NIN: variants seen among roughly 807,000 people sequenced by gnomAD.
NIN encodes ninein.
A neutral mutation model predicts 257.6 loss-of-function variants in NIN; 137 were observed. That is an observed-to-expected ratio of 0.53 (90% CI 0.46 to 0.61). NIN has a LOEUF of 0.61. Among genes scored for constraint, NIN ranks in the 20% least tolerant of loss-of-function variants. NIN has a pLI of 0.00. For missense variants in NIN, 2,439 were observed against 2,501.2 expected (o/e 0.98, Z 0.53); for synonymous variants, 918 against 919.8 (o/e 1.00, Z 0.04).
In NIN at chr14:50,723,522, T is replaced by C; in HGVS notation, c.6343A>G (p.Asn2115Asp). The C allele has an allele frequency of 1.2e-6, 2 of 1,613,788 alleles. No individual in the cohort carries two copies. The highest frequency in any genetic ancestry group is 1.7e-6 in the Non-Finnish European group (2 of 1,179,836). Residue 2115 changes from asparagine (N) to aspartate (D), a missense_variant, in exon 31 of 31, where the codon AAT (asparagine) becomes GAT (aspartate). Physicochemically the swap from Asn to Asp is conservative, Grantham distance 23. Coordinates refer to ENST00000530997, the MANE Select transcript of NIN (RefSeq NM_020921.4). Reference sequence around the variant, plus strand: ...GCTGGTGTCAGATTCCTAACTATATTACTGAGGCTGGCAATCTTCTCCTCC... The same window carrying C: ...GCTGGTGTCAGATTCCTAACTATATCACTGAGGCTGGCAATCTTCTCCTCC... ...LLEEKIASLS[N>D]IVRNLTPAPL...
In NIN at chr14:50,771,455, C is replaced by G. The variant is rs1441076295; in HGVS notation, c.995G>C (p.Ser332Thr). ...TGTCAAATTGATGTTTCCATCGAGG[C>G]TGAAATCCAAGGCCTAGAAATCAGA... ...SQEILKALDFSLDGNINLTEL... is the reference protein window; with the variant it reads ...SQEILKALDFTLDGNINLTEL... Residue 332 changes from serine (S) to threonine (T), a missense_variant, in exon 10 of 31, where the codon AGC becomes ACC. Transcript: ENST00000530997. The G allele has an allele frequency of 6.2e-7, 1 of 1,614,060 alleles. No individual in the cohort carries two copies. The highest frequency in any genetic ancestry group is 8.5e-7 in the Non-Finnish European group (1 of 1,179,982).
At chr14:50,819,443 G>T (rs1299991359) in intron 3 of NIN, among the ~76,000 whole-genome samples, 3 of 152,122 alleles carry the variant, frequency 2.0e-5, no homozygotes, top group Admixed American at 6.5e-5. Context: ...AGATCTGATG[G>T]TTTTATAAGG....
At chr14:50,769,248 G>A (rs979685857) in intron 12 of NIN, among the ~76,000 whole-genome samples, 1 of 152,196 alleles carries the variant, frequency 6.6e-6, no homozygotes, top group Non-Finnish European at 1.5e-5. Flanking sequence ...AACAGGCTGA[G>A]GAACCTGATC....
chr14:50,760,595 A>T (rs1393598672), intron 16 of NIN, among the ~76,000 whole-genome samples: 1 of 152,150 alleles, frequency 6.6e-6, no homozygotes, highest in Non-Finnish European at 1.5e-5. Flanking sequence ...GAACAACCTT[A>T]TTAAGAACTG....
chr14:50,819,213 G>A (rs982658382), intron 3 of NIN, among the ~76,000 whole-genome samples: 1 of 152,164 alleles, frequency 6.6e-6, no homozygotes, highest in Admixed American at 6.5e-5. Flanking sequence ...GGATACTAAT[G>A]CAGCCAAAAG....
intron 20 of NIN, among the ~76,000 whole-genome samples, chr14:50,753,045 T>C (rs2041861499): frequency 6.6e-6 from 1 of 152,280 alleles, no homozygotes; most frequent in East Asian, 1.9e-4. Flanking sequence ...TCTTTTCTTC[T>C]CTTTAGCAAA....
chr14:50,727,675 T>C (rs772435207), intron 29 of NIN: 2 of 1,441,370 alleles, frequency 1.4e-6, no homozygotes, highest in Non-Finnish European at 1.9e-6. Flanking sequence ...ATGCCATCAA[T>C]AGCAGCCCAG....
chr14:50,801,510 C>A (rs768840699), intron 4 of NIN, among the ~76,000 whole-genome samples: 1 of 152,196 alleles, frequency 6.6e-6, no homozygotes, highest in Non-Finnish European at 1.5e-5. Flanking sequence ...GACAACAGAA[C>A]GAGCCTTTGG....
intron 24 of NIN, chr14:50,742,361 T>C (rs1373863778): frequency 6.6e-6 from 1 of 151,174 alleles, no homozygotes; most frequent in Non-Finnish European, 1.5e-5. Context: ...CAGCAAGTGG[T>C]GATCCAGCCT....
intron 18 of NIN, 52 bp downstream of exon 18, chr14:50,756,440 T>C: frequency 1.3e-6 from 2 of 1,526,508 alleles, no homozygotes; most frequent in Non-Finnish European, 1.7e-6. Context: ...GGAAGTTAGA[T>C]CTGGTGAGGT....
intron 12 of NIN, among the ~76,000 whole-genome samples, chr14:50,768,242 T>C (rs2042587523): frequency 6.7e-6 from 1 of 149,182 alleles, no homozygotes. Context: ...GCAATATAAG[T>C]AAAAAAAAAA....
chr14:50,743,359 G>A, intron 24 of NIN, 57 bp downstream of exon 24: 1 of 1,107,322 alleles, frequency 9.0e-7, no homozygotes, highest in Non-Finnish European at 1.4e-6. Flanking sequence ...CGGGATTTCT[G>A]TTGGAAGATC....
intron 3 of NIN, among the ~76,000 whole-genome samples, chr14:50,814,777 A>G (rs1566876653): frequency 6.6e-6 from 1 of 152,252 alleles, no homozygotes; most frequent in Non-Finnish European, 1.5e-5. Context: ...CCTGACAAAA[A>G]CAAGCAGTGG....
intron 28 of NIN, among the ~76,000 whole-genome samples, chr14:50,734,426 T>A (rs1034658460): frequency 2.6e-5 from 4 of 152,174 alleles, no homozygotes; most frequent in African/African-American, 7.2e-5. Context: ...TAACAATATG[T>A]GTATACACAG....
In NIN at chr14:50,743,335, A is replaced by G. The variant is rs2140525240; in HGVS notation, c.5301+81T>C. The G allele has an allele frequency of 3.3e-6, 3 of 904,206 alleles. 1 individual carries two copies. Among genetic ancestry groups the G allele is most frequent in the Non-Finnish European group, 5.5e-6 (3 of 545,132 alleles). 56.0% of individuals were successfully genotyped at this position (904,206 alleles called of 1,614,324 possible). The stretch of plus-strand genomic sequence containing the variant: ...ACCCTCTTACGCTACTTCTACCTGG[A>G]ACACTCTTTTTACCGGGATTTCTGT... On this transcript the variant is annotated intron_variant, in intron 24 of 30. Coordinates refer to ENST00000530997, the MANE Select transcript of NIN (RefSeq NM_020921.4).
At chr14:50,770,356 G>A (rs1453366773) in intron 12 of NIN, 32 bp downstream of exon 12, 2 of 1,603,802 alleles carry the variant, frequency 1.2e-6, no homozygotes, top group Non-Finnish European at 1.7e-6. Context: ...TCCCGGCAGG[G>A]ACGCAGACCA....
At chr14:50,814,049 C>A (rs927069167) in intron 3 of NIN, among the ~76,000 whole-genome samples, 1 of 151,996 alleles carries the variant, frequency 6.6e-6, no homozygotes, top group African/African-American at 2.4e-5. Flanking sequence ...GTATTCAGGT[C>A]ATTGTAACTT....
chr14:50,774,895 G>C (rs890761949), intron 7 of NIN, among the ~76,000 whole-genome samples: 5 of 151,798 alleles, frequency 3.3e-5, no homozygotes, highest in Non-Finnish European at 7.4e-5. Context: ...TGGCCAACTG[G>C]GGCACGCTCT....
At chr14:50,772,754 G>C (rs536634152) in intron 8 of NIN, among the ~76,000 whole-genome samples, 195 bp downstream of exon 8, 1 of 152,238 alleles carries the variant, frequency 6.6e-6, no homozygotes, top group African/African-American at 2.4e-5. Context: ...CATAATTAGT[G>C]GTCTTTCCAC....
Sources: gnomAD v4.1 joint callset for allele counts (sites outside exome capture counted in the v4.1 genomes callset) on GRCh38, gnomAD v4.1.1 for gene constraint, MANE v1.5 for transcripts, NCBI Gene and HGNC (gene_info 2026-07-23, HGNC 2026-07-21) for gene names.